The following KLHL29 variants were observed in gnomAD, a reference collection of about 807,000 sequenced individuals.
KLHL29 encodes the protein kelch-like protein 29.
KLHL29 carries 21 observed loss-of-function variants against 80.4 expected under a neutral mutation model. That is an observed-to-expected ratio of 0.26 (90% CI 0.19 to 0.38). KLHL29 has a LOEUF of 0.38. KLHL29 is among the 10% of genes least tolerant of loss of function. The pLI is 1.00. For synonymous variants in KLHL29, 511 were observed against 526.8 expected, an observed-to-expected ratio of 0.97 and a Z score of 0.41; for missense variants, 867 against 1,223.9, an observed-to-expected ratio of 0.71 and a Z score of 4.35.
intron 2 of KLHL29, among the ~76,000 whole-genome samples, chr2:23,495,545 C>G (rs369510334): frequency 1.1e-4 from 16 of 152,270 alleles, no homozygotes; most frequent in African/African-American, 3.4e-4. Flanking sequence ...AACAGTCAAC[C>G]CTGCCATGTC....
intron 2 of KLHL29, among the ~76,000 whole-genome samples, chr2:23,517,267 G>A (rs563553480): frequency 6.6e-6 from 1 of 152,358 alleles, no homozygotes; most frequent in Non-Finnish European, 1.5e-5. Flanking sequence ...TAACTAGGCT[G>A]GGCGCGGTGG....
In KLHL29 at chr2:23,700,213, A is replaced by AAATT. The variant is rs542337496; in HGVS notation, c.2106-2970_2106-2967dup. 1.4e-4 allele frequency among the ~76,000 whole-genome samples: 21 copies of AAATT among 152,332 alleles called. No individual in the cohort carries two copies. In the East Asian group the frequency reaches 4.0e-3, roughly 29 times the overall value. ...AAACACAATTAAACATTCCCCTTAA[A>AAATT]AATTAAAACAAGACCTGTTTTCTGC... On this transcript the variant is annotated intron_variant, in intron 11 of 13. Transcript: ENST00000486442. This position sits in a 1 kb window ranked among gnomAD's most constrained non-coding sequence, Gnocchi z 4.6.
At chr2:23,670,509 C>T (rs1407957898) in intron 5 of KLHL29, among the ~76,000 whole-genome samples, 2 of 151,994 alleles carry the variant, frequency 1.3e-5, no homozygotes, top group Non-Finnish European at 2.9e-5. Context: ...GTTGCATGGT[C>T]CCCCCAACCC....
chr2:23,467,293 T>C lies in KLHL29; in HGVS notation c.-153-8267T>C, dbSNP rs111517216. On this transcript the variant is annotated intron_variant, in intron 1 of 13. Transcript: ENST00000486442. ...CGATCAAGCCACTTACCTACACACA[T>C]TGGTAGAGACCAGGAAAACAGAATT... is the stretch of plus-strand genomic sequence containing the variant. Among the ~76,000 whole-genome samples the C allele has an allele frequency of 2.5e-3, 378 of 152,320 alleles. 5 individuals carry two copies. The highest frequency in any genetic ancestry group is 4.4e-3 in the African/African-American group (184 of 41,572).
intron 5 of KLHL29, among the ~76,000 whole-genome samples, chr2:23,662,642 C>T (rs1163662210): frequency 1.3e-5 from 2 of 152,174 alleles, no homozygotes; most frequent in African/African-American, 4.8e-5. Context: ...CCGGCCCCCA[C>T]TTCCAGATCC....
Position 23,684,007 on chromosome 2 carries a change from G to A in KLHL29, c.941-392G>A, listed in dbSNP as rs765377275. ...TGCTTGACTTGGTCTCCAATACATC[G>A]GCACCCATTGGCATTTGGAGAACTT... On this transcript the variant is annotated intron_variant, in intron 5 of 13. Transcript: ENST00000486442. This position sits in a 1 kb window ranked among gnomAD's most constrained non-coding sequence, Gnocchi z 4.4. Among the ~76,000 whole-genome samples, 4 of 152,032 alleles carry A rather than the reference G, an allele frequency of 2.6e-5. No individual in the cohort carries two copies. The highest frequency in any genetic ancestry group is 1.9e-4 in the East Asian group (1 of 5,188).
chr2:23,659,587 G>A (rs763017137), intron 5 of KLHL29, among the ~76,000 whole-genome samples: 45 of 152,126 alleles, frequency 3.0e-4, no homozygotes, highest in East Asian at 5.8e-4. Flanking sequence ...GCCTGGCTTC[G>A]GCTCAGTTCA....
chr2:23,664,376 CTA>C (rs993710219), intron 5 of KLHL29, among the ~76,000 whole-genome samples: 99 of 152,296 alleles, frequency 6.5e-4, no homozygotes, highest in African/African-American at 2.3e-3. Context: ...TCTGGTTGAA[CTA>C]TGTCAAACAT....
At chr2:23,622,806 A>T (rs936478057) in intron 3 of KLHL29, among the ~76,000 whole-genome samples, 3 of 152,256 alleles carry the variant, frequency 2.0e-5, no homozygotes, top group Non-Finnish European at 4.4e-5. Context: ...GCATGGTTCT[A>T]AGTCCTTTGC....
At chr2:23,614,983 ACTC>A (rs1668966144) in intron 3 of KLHL29, among the ~76,000 whole-genome samples, 1 of 150,764 alleles carries the variant, frequency 6.6e-6, no homozygotes, top group East Asian at 2.0e-4. Context: ...GCAAAACAAG[ACTC>A]CTCCAAAGCC....
intron 3 of KLHL29, among the ~76,000 whole-genome samples, chr2:23,580,115 A>C (rs1237114565): frequency 6.6e-6 from 1 of 152,232 alleles, no homozygotes; most frequent in Non-Finnish European, 1.5e-5. Context: ...TCACGCCTGT[A>C]ATCCCAGCAC....
At chr2:23,540,939 A>G (rs1241234046) in intron 2 of KLHL29, among the ~76,000 whole-genome samples, 1 of 152,172 alleles carries the variant, frequency 6.6e-6, no homozygotes, top group Non-Finnish European at 1.5e-5. Flanking sequence ...TGTTTGGGTC[A>G]TGGACCCTGA....
intron 2 of KLHL29, among the ~76,000 whole-genome samples, chr2:23,561,442 G>A (rs752317847): frequency 8.5e-5 from 13 of 152,232 alleles, no homozygotes; most frequent in Non-Finnish European, 1.6e-4. Flanking sequence ...AGGGTACTCC[G>A]GGTCTCTGAT....
chr2:23,620,084 G>A (rs1366366068), intron 3 of KLHL29, among the ~76,000 whole-genome samples: 1 of 152,172 alleles, frequency 6.6e-6, no homozygotes, highest in African/African-American at 2.4e-5. Flanking sequence ...CTGAGTCCCT[G>A]AGGATAAGAT....
chr2:23,486,174 C>T (rs772949438), intron 2 of KLHL29, among the ~76,000 whole-genome samples: 3 of 152,160 alleles, frequency 2.0e-5, no homozygotes, highest in African/African-American at 7.2e-5. Context: ...TCTCCATAGG[C>T]CACAGCAGAG....
rs192586955 is a variant in KLHL29, at chr2:23,453,653, G to A, written c.-153-21907G>A. On this transcript the variant is annotated intron_variant, in intron 1 of 13. Transcript: ENST00000486442. Reference sequence around the variant, plus strand: ...AATGGACGGCAGCGGCCCTGACTCCGGGCTAAGGCAGGGCTTCAATTAAGC... The same window carrying A: ...AATGGACGGCAGCGGCCCTGACTCCAGGCTAAGGCAGGGCTTCAATTAAGC... 6.6e-5 allele frequency among the ~76,000 whole-genome samples: 10 copies of A among 152,278 alleles called. No homozygotes were observed. In the East Asian group the frequency reaches 9.6e-4, roughly 15 times the overall value.
intron 2 of KLHL29, among the ~76,000 whole-genome samples, chr2:23,545,110 C>T (rs991403905): frequency 1.3e-5 from 2 of 151,974 alleles, no homozygotes; most frequent in East Asian, 1.9e-4. Context: ...CCAGGGTGGA[C>T]GTGGGAAGAA....
chr2:23,408,828 G>A (rs17045311), intron 1 of KLHL29, among the ~76,000 whole-genome samples: 12,832 of 152,138 alleles, frequency 0.084, 1,011 homozygotes, highest in East Asian at 0.28. Flanking sequence ...GTTTCTTTGT[G>A]ACTCTAATCC....
chr2:23,536,248 G>A (rs185009647), intron 2 of KLHL29, among the ~76,000 whole-genome samples: 1 of 152,320 alleles, frequency 6.6e-6, no homozygotes, highest in East Asian at 1.9e-4. Context: ...TGATGATGGA[G>A]GGGTGAATTT....
Sources: allele counts gnomAD v4.1 joint callset (sites outside exome capture counted in the v4.1 genomes callset), GRCh38; gene constraint gnomAD v4.1.1; non-coding constraint Gnocchi (gnomAD v3.1); transcripts MANE v1.5; gene names NCBI Gene and HGNC (gene_info 2026-07-23, HGNC 2026-07-21).